Variants in PARP11 observed in about 807,000 individuals in gnomAD.
The protein encoded by PARP11 is poly(ADP-ribose) polymerase family member 11.
In PARP11, 31 loss-of-function variants were observed where a neutral mutation model predicts 42.9. That is an observed-to-expected ratio of 0.72 (90% CI 0.54 to 0.98). PARP11 has a LOEUF of 0.98. Ranked by LOEUF, PARP11 falls within the 50% of genes least tolerant of loss-of-function variation. The probability of loss-of-function intolerance (pLI) is 0.00; values close to 1 mark genes in which losing one functional copy is unlikely to be tolerated. For missense variants in PARP11, 365 were observed against 413.1 expected, an observed-to-expected ratio of 0.88 and a Z score of 1.01; for synonymous variants, 137 against 127.3, an observed-to-expected ratio of 1.08 and a Z score of -0.51.
intron 1 of PARP11, among the ~76,000 whole-genome samples, chr12:3,839,101 G>A (rs1212006389): frequency 1.3e-5 from 2 of 151,740 alleles, no homozygotes; most frequent in Non-Finnish European, 2.9e-5. Context: ...GGACAGCCAT[G>A]CATTAGGCAG....
intron 1 of PARP11, among the ~76,000 whole-genome samples, chr12:3,830,392 A>T (rs181790147): frequency 9.9e-4 from 151 of 152,330 alleles, no homozygotes; most frequent in African/African-American, 3.3e-3. Flanking sequence ...GGTTAAGATC[A>T]AATGCATCTA....
rs1304614374 is a variant in PARP11, at chr12:3,861,488, T to C, written c.18+11724A>G. Reference sequence around the variant, plus strand: ...TGCTTATCTTCTTTGGTGCAGTGTCTATTCATATCTTTAGCTCACTTTAAA... The same window carrying C: ...TGCTTATCTTCTTTGGTGCAGTGTCCATTCATATCTTTAGCTCACTTTAAA... On this transcript the variant is annotated intron_variant, in intron 1 of 7. Transcript: ENST00000228820. This position sits in a 1 kb window ranked among gnomAD's most constrained non-coding sequence, Gnocchi z 4.6. Among the ~76,000 whole-genome samples the C allele has an allele frequency of 6.6e-6, 1 of 152,236 alleles. No individual in the cohort carries two copies. Among genetic ancestry groups the C allele is most frequent in the Non-Finnish European group, 1.5e-5 (1 of 68,032 alleles).
At chr12:3,845,427 G>A (rs1947978300) in intron 1 of PARP11, among the ~76,000 whole-genome samples, 1 of 152,160 alleles carries the variant, frequency 6.6e-6, no homozygotes, top group Non-Finnish European at 1.5e-5. Context: ...TAAAATGCCT[G>A]TGAACTGCAA....
At chr12:3,829,193 G>C (rs2138043828) in intron 2 of PARP11, among the ~76,000 whole-genome samples, 163 bp from the exon 3 acceptor site, 1 of 152,254 alleles carries the variant, frequency 6.6e-6, no homozygotes, top group Non-Finnish European at 1.5e-5. Flanking sequence ...AACTAAGCCA[G>C]CATATTGAAA....
At chr12:3,832,001 T>C (rs1280011302) in intron 1 of PARP11, 5 of 265,170 alleles carry the variant, frequency 1.9e-5, no homozygotes, top group Admixed American at 6.5e-5. Flanking sequence ...TTAAGAAAAA[T>C]ATTTGCCTTA....
chr12:3,824,700 T>C, intron 4 of PARP11: 3 of 823,766 alleles, frequency 3.6e-6, no homozygotes, highest in Non-Finnish European at 2.9e-6. Context: ...AAGTGTTTGA[T>C]CCCATCACAG....
chr12:3,823,554 C>T (rs11062846), intron 4 of PARP11, among the ~76,000 whole-genome samples: 31,230 of 152,146 alleles, frequency 0.21, 4,007 homozygotes, highest in East Asian at 0.36. Context: ...ATTTTACAGA[C>T]GCACAGAACT....
At chr12:3,814,210 A>T in intron 6 of PARP11, 22 bp from the exon 7 acceptor site, 1 of 1,534,964 alleles carries the variant, frequency 6.5e-7, no homozygotes, top group Non-Finnish European at 8.8e-7. Context: ...ATATACACAG[A>T]CACAAAAGCA....
intron 1 of PARP11, among the ~76,000 whole-genome samples, chr12:3,856,390 C>G (rs1948189924): frequency 6.6e-6 from 1 of 152,122 alleles, no homozygotes; most frequent in South Asian, 2.1e-4. Context: ...GGTGAATATC[C>G]AGAATCTACA....
chr12:3,831,786 C>T (rs1476705697), intron 1 of PARP11, among the ~76,000 whole-genome samples: 3 of 152,188 alleles, frequency 2.0e-5, no homozygotes, highest in African/African-American at 4.8e-5. Flanking sequence ...ATATTTTAAC[C>T]ACATAATAAA....
chr12:3,832,234 A>T (rs1281847793), intron 1 of PARP11: 1 of 291,170 alleles, frequency 3.4e-6, no homozygotes, highest in Non-Finnish European at 5.1e-6. Flanking sequence ...TTCCTAAAGC[A>T]CTTCAAATCT....
chr12:3,842,089 G>A (rs1565542985), intron 1 of PARP11: 37 of 1,609,670 alleles, frequency 2.3e-5, no homozygotes, highest in Non-Finnish European at 3.1e-5. Flanking sequence ...CAGAGAGAGA[G>A]AGAAATTGTG....
chr12:3,811,878 C>A lies in PARP11; in HGVS notation c.*245G>T. Reference sequence around the variant, plus strand: ...TGATTCCATTTTGAATGGTATCTTTCACCCCTATGTGTTAAAACATCAATG... The same window carrying A: ...TGATTCCATTTTGAATGGTATCTTTAACCCCTATGTGTTAAAACATCAATG... On this transcript the variant is annotated 3_prime_UTR_variant, in exon 8 of 8. Coordinates refer to ENST00000228820, the MANE Select transcript of PARP11 (RefSeq NM_020367.6). The A allele has an allele frequency of 2.3e-6, 1 of 442,510 alleles. No individual in the cohort carries two copies. Among genetic ancestry groups the A allele is most frequent in the Non-Finnish European group, 4.0e-6 (1 of 252,958 alleles). The allele number at this position is 442,510 out of a possible 1,614,324, so 27.4% of individuals were successfully genotyped here. A position where few individuals can be genotyped will look rare whatever the true frequency, so the allele number is the denominator to read the frequency against.
chr12:3,851,856 G>T (rs1416637821), intron 1 of PARP11, among the ~76,000 whole-genome samples: 3 of 152,350 alleles, frequency 2.0e-5, no homozygotes, highest in Non-Finnish European at 4.4e-5. Flanking sequence ...ACACCTCCCA[G>T]TAGGGGCCGA....
intron 1 of PARP11, among the ~76,000 whole-genome samples, chr12:3,862,466 T>C (rs1179752422): frequency 2.6e-5 from 4 of 151,854 alleles, no homozygotes; most frequent in Non-Finnish European, 5.9e-5. Context: ...AATAAATATA[T>C]GTATTTTTTT....
chr12:3,867,844 C>G (rs1236378733), intron 1 of PARP11, among the ~76,000 whole-genome samples: 1 of 152,194 alleles, frequency 6.6e-6, no homozygotes, highest in Admixed American at 6.5e-5. Context: ...AACATTCACC[C>G]TAATATTACA....
At position 3,809,859 on chromosome 12, in the gene PARP11, GCT is replaced by G; in HGVS notation, c.*2262_*2263del. 6.6e-6 allele frequency: 1 copy of G among 152,186 alleles called. No individual in the cohort carries two copies. The highest frequency in any genetic ancestry group is 2.1e-4 in the South Asian group (1 of 4,826). The allele number at this position is 152,186 out of a possible 1,614,324, so 9.4% of individuals were successfully genotyped here. On this transcript the variant is annotated 3_prime_UTR_variant, in exon 8 of 8. Coordinates refer to ENST00000228820, the MANE Select transcript of PARP11 (RefSeq NM_020367.6). ...ATAATCTCTAGATGCTTTTTAAAGCGCTTTTTCTAAATATTCTCAGCACTTCA... is the reference window on the plus strand; with the variant it reads ...ATAATCTCTAGATGCTTTTTAAAGCGTTTTCTAAATATTCTCAGCACTTCA...
chr12:3,829,131 AG>A (rs1947587650), intron 2 of PARP11, 101 bp from the exon 3 acceptor site: 1 of 1,250,762 alleles, frequency 8.0e-7, no homozygotes, highest in Non-Finnish European at 1.1e-6. Context: ...TGGAGGGGCG[AG>A]GGAAACTTAC....
chr12:3,839,743 C>G (rs1591780358), intron 1 of PARP11: 1 of 1,122,184 alleles, frequency 8.9e-7, no homozygotes. Context: ...AAATGGAAAT[C>G]ATTATGATAT....
Sources: allele counts gnomAD v4.1 joint callset (sites outside exome capture counted in the v4.1 genomes callset), GRCh38; gene constraint gnomAD v4.1.1; non-coding constraint Gnocchi (gnomAD v3.1); transcripts MANE v1.5; gene names NCBI Gene and HGNC (gene_info 2026-07-23, HGNC 2026-07-21).